ZFR: variants seen among roughly 807,000 people sequenced by gnomAD.
ZFR encodes the protein zinc finger RNA-binding protein.
In ZFR, 19 loss-of-function variants were observed where a neutral mutation model predicts 130.7. That is an observed-to-expected ratio of 0.15 (90% CI 0.10 to 0.21). The LOEUF (loss-of-function observed/expected upper bound fraction) is 0.21, where lower values mean the gene tolerates loss of function less well. ZFR is among the 10% of genes least tolerant of loss of function. The pLI is 1.00. For synonymous variants in ZFR, 466 were observed against 456.9 expected (o/e 1.02, Z -0.25); for missense variants, 872 against 1,321.5 (o/e 0.66, Z 5.27).
At position 32,355,050 on chromosome 5, in the gene ZFR, G is replaced by C. The variant is rs932267076; in HGVS notation, c.*710C>G. Reference sequence around the variant, plus strand: ...ATTATGCAGAGGCTTTAAAACTGTTGCAAGACCATATAGTATATATTAGCT... The same window carrying C: ...ATTATGCAGAGGCTTTAAAACTGTTCCAAGACCATATAGTATATATTAGCT... On this transcript the variant is annotated 3_prime_UTR_variant, in exon 20 of 20. Coordinates refer to ENST00000265069, the MANE Select transcript of ZFR (RefSeq NM_016107.5). 3.3e-5 allele frequency: 5 copies of C among 152,128 alleles called. No homozygotes were observed. The highest frequency in any genetic ancestry group is 9.7e-5 in the African/African-American group (4 of 41,424). The allele number at this position is 152,128 out of a possible 1,614,324, so 9.4% of individuals were successfully genotyped here. A position where few individuals can be genotyped will look rare whatever the true frequency, so the allele number is the denominator to read the frequency against.
rs371968274 is a variant in ZFR at position 32,400,082 on chromosome 5, T to C, written c.1638A>G (p.Ser546=). 11 of 1,613,710 alleles carry C rather than the reference T, an allele frequency of 6.8e-6. No homozygotes were observed. The highest frequency in any genetic ancestry group is 8.5e-6 in the Non-Finnish European group (10 of 1,179,786). ...CAAGAGATGCAGGTGTGACTGGTTCTGACACTGTGTCTTGCTTTACTTCAG... is the reference window on the plus strand; with the variant it reads ...CAAGAGATGCAGGTGTGACTGGTTCCGACACTGTGTCTTGCTTTACTTCAG... The part of the protein sequence containing the change: ...QIPEVKQDTV[S]EPVTPASLAA... The change falls in exon 9 of 20, where the codon TCA becomes TCG. Residue 546 remains serine, a synonymous_variant. Coordinates refer to ENST00000265069, the MANE Select transcript of ZFR (RefSeq NM_016107.5).
intron 19 of ZFR, among the ~76,000 whole-genome samples, chr5:32,361,735 T>C (rs1752438837): frequency 6.6e-6 from 1 of 151,734 alleles, no homozygotes; most frequent in African/African-American, 2.4e-5. Context: ...TCTCGTGCCT[T>C]AGTCTCCCAA....
At chr5:32,361,700 C>A (rs1157308143) in intron 19 of ZFR, among the ~76,000 whole-genome samples, 3 of 149,930 alleles carry the variant, frequency 2.0e-5, no homozygotes, top group Non-Finnish European at 4.4e-5. Context: ...CTCACTGCAA[C>A]CTGTGCCTCC....
At chr5:32,394,297 GA>G (rs1753246648) in intron 11 of ZFR, 1 of 167,258 alleles carries the variant, frequency 6.0e-6, no homozygotes, top group Non-Finnish European at 1.5e-5. Flanking sequence ...ATGGAATACT[GA>G]AACATGTTAC....
chr5:32,400,280 A>G (rs967829176), intron 8 of ZFR, 77 bp from the exon 9 acceptor site: 8 of 1,123,762 alleles, frequency 7.1e-6, no homozygotes, highest in South Asian at 2.4e-5. Context: ...AAAACTTCAG[A>G]TAAAGTTCTT....
intron 2 of ZFR, among the ~76,000 whole-genome samples, chr5:32,423,817 AC>A (rs1017678905): frequency 2.6e-5 from 4 of 152,212 alleles, no homozygotes; most frequent in Non-Finnish European, 4.4e-5. Flanking sequence ...GGCACCTGCA[AC>A]TAAATGAAAA....
chr5:32,386,795 T>C (rs922292504), intron 14 of ZFR, among the ~76,000 whole-genome samples: 10 of 152,182 alleles, frequency 6.6e-5, no homozygotes, highest in Non-Finnish European at 1.2e-4. Flanking sequence ...AGTAAGGTAC[T>C]GTTCTAATTC....
At chr5:32,438,571 A>C (rs984676158) in intron 2 of ZFR, among the ~76,000 whole-genome samples, 37 of 152,180 alleles carry the variant, frequency 2.4e-4, no homozygotes, top group African/African-American at 8.7e-4. Flanking sequence ...CCTTTGCCTG[A>C]TCATAGATCC....
chr5:32,435,997 A>C (rs1754323452), intron 2 of ZFR, among the ~76,000 whole-genome samples: 1 of 152,106 alleles, frequency 6.6e-6, no homozygotes, highest in African/African-American at 2.4e-5. Flanking sequence ...ACTGTACTAA[A>C]TCCCTAATCC....
At position 32,385,768 on chromosome 5, in the gene ZFR, A is replaced by T. The variant is rs1026867982; in HGVS notation, c.2500-119T>A. ...AACCATTCTATATGAGGACCAGATT[A>T]TATACTGCTCCTTCTAGGAAGCCCT... is the stretch of plus-strand genomic sequence containing the variant. On this transcript the variant is annotated intron_variant, in intron 14 of 19. Coordinates refer to ENST00000265069, the MANE Select transcript of ZFR (RefSeq NM_016107.5). 15 of 1,021,206 alleles carry T rather than the reference A, an allele frequency of 1.5e-5. No individual in the cohort carries two copies. In the African/African-American group the frequency reaches 2.1e-4, roughly 14 times the overall value. The allele number at this position is 1,021,206 out of a possible 1,614,324, so 63.3% of individuals were successfully genotyped here.
chr5:32,438,252 A>ATTTTTTTTTTTTTTTTTTTTTTTTTT (rs1561930577), intron 2 of ZFR, among the ~76,000 whole-genome samples: 1 of 83,476 alleles, frequency 1.2e-5, no homozygotes. Context: ...TTTATCTGAA[A>ATTTTTTTTTTTTTTTTTTTTTTTTTT]ATTTTTTTTT....
intron 5 of ZFR, among the ~76,000 whole-genome samples, chr5:32,413,082 G>C (rs1305389236): frequency 1.3e-5 from 2 of 152,074 alleles, no homozygotes; most frequent in African/African-American, 4.8e-5. Flanking sequence ...CCGGCTACTT[G>C]GGAGGCTGAG....
chr5:32,418,848 A>T, intron 3 of ZFR, among the ~76,000 whole-genome samples: 1 of 152,350 alleles, frequency 6.6e-6, no homozygotes, highest in African/African-American at 2.4e-5. Flanking sequence ...AAAAAAACAG[A>T]TTAAAGAAAT....
rs144169880 is a variant in ZFR at position 32,383,230 on chromosome 5, T to C, written c.2641+2278A>G. Among the ~76,000 whole-genome samples the C allele has an allele frequency of 2.1e-3, 326 of 152,270 alleles. 3 individuals carry two copies. Among genetic ancestry groups the C allele is most frequent in the African/African-American group, 7.2e-3 (300 of 41,554 alleles). ...TGCCAGGCTCTGCATCCAAAATCCC[T>C]CCTTTATCAAATGGCAGATGTGACA... On this transcript the variant is annotated intron_variant, in intron 15 of 19. Coordinates refer to ENST00000265069, the MANE Select transcript of ZFR (RefSeq NM_016107.5).
Position 32,403,372 on chromosome 5 carries a change from C to T in ZFR, c.1250G>A (p.Gly417Asp). Reference protein sequence around the residue: ...QKVVKLHTKLGKPIPSTEPNV... With the variant: ...QKVVKLHTKLDKPIPSTEPNV... ...TGGTTCTGTTGATGGAATGGGTTTACCAAGTTTTGTGTGTAACTTAACCAC... is the reference window on the plus strand; with the variant it reads ...TGGTTCTGTTGATGGAATGGGTTTATCAAGTTTTGTGTGTAACTTAACCAC... Residue 417 changes from glycine to aspartate, a missense_variant, in exon 8 of 20, where the codon GGT becomes GAT. Gly to Asp is a moderately conservative substitution (Grantham distance 94). Coordinates refer to ENST00000265069, the MANE Select transcript of ZFR (RefSeq NM_016107.5). 6.2e-7 allele frequency: 1 copy of T among 1,613,744 alleles called. No homozygotes were observed. The highest frequency in any genetic ancestry group is 8.5e-7 in the Non-Finnish European group (1 of 1,179,750).
Position 32,397,849 on chromosome 5 carries a change from C to CTTTTTTTTTT in ZFR, c.1714-521_1714-512dup, listed in dbSNP as rs70961626. Among the ~76,000 whole-genome samples the CTTTTTTTTTT allele has an allele frequency of 7.3e-4, 49 of 66,878 alleles. 4 individuals carry two copies. The highest frequency in any genetic ancestry group is 2.5e-3 in the African/African-American group (39 of 15,910). 43.9% of individuals were successfully genotyped at this position (66,878 alleles called of 152,430 possible). ...TGATAGCATGTGTTTGCTCTTGTATCTTTTTTTTTTTTTTTTTTTTTTTTT... is the reference window on the plus strand; with the variant it reads ...TGATAGCATGTGTTTGCTCTTGTATCTTTTTTTTTTTTTTTTTTTTTTTTTTTTTTTTTTT... On this transcript the variant is annotated intron_variant, in intron 9 of 19. Coordinates refer to ENST00000265069, the MANE Select transcript of ZFR (RefSeq NM_016107.5).
rs1753137845 is a variant in ZFR at position 32,390,296 on chromosome 5, A to C, written c.2121T>G (p.Pro707=). The C allele has an allele frequency of 1.9e-6, 3 of 1,613,844 alleles. No homozygotes were observed. The South Asian group carries it at 3.3e-5, about 18-fold the overall frequency. ...TCACTGCAGGCCCCTGAGGCTGAGG[A>C]GGCATGCCTGGTCGGACTCCCAGAA... ...LGLLGVRPGM[P]PQPQGPAPLR... Residue 707 remains proline, a synonymous_variant, in exon 12 of 20, where the codon CCT becomes CCG. Coordinates refer to ENST00000265069, the MANE Select transcript of ZFR (RefSeq NM_016107.5).
At chr5:32,374,897 A>C (rs1288287815) in intron 17 of ZFR, among the ~76,000 whole-genome samples, 1 of 152,212 alleles carries the variant, frequency 6.6e-6, no homozygotes, top group Non-Finnish European at 1.5e-5. Context: ...AATTTTTATA[A>C]ACTGACAAGA....
intron 14 of ZFR, among the ~76,000 whole-genome samples, chr5:32,386,711 G>C (rs1440833970): frequency 6.6e-6 from 1 of 152,036 alleles, no homozygotes; most frequent in Non-Finnish European, 1.5e-5. Context: ...ACAAGCAACA[G>C]TAAGTGCAGA....
Sources: gnomAD v4.1 joint callset for allele counts (sites outside exome capture counted in the v4.1 genomes callset) on GRCh38, gnomAD v4.1.1 for gene constraint, MANE v1.5 for transcripts, NCBI Gene and HGNC (gene_info 2026-07-23, HGNC 2026-07-21) for gene names.